The following SYNE2 variants were observed in gnomAD, a reference collection of about 807,000 sequenced individuals.
SYNE2 encodes spectrin repeat containing nuclear envelope protein 2, also known as nesprin-2.
In SYNE2, 431 loss-of-function variants were observed where a neutral mutation model predicts 856.3. That is an observed-to-expected ratio of 0.50 (90% CI 0.47 to 0.55). SYNE2 has a LOEUF of 0.55. SYNE2 is among the 20% of genes least tolerant of loss of function. The pLI, the probability that SYNE2 is intolerant of heterozygous loss-of-function variation, is 0.00. For synonymous variants in SYNE2, 2,923 were observed against 2,872.3 expected (o/e 1.02, Z -0.56); for missense variants, 8,129 against 8,023.2 (o/e 1.01, Z -0.50).
At chr14:63,768,256 T>C (rs1886763436) in intron 1 of SYNE2, among the ~76,000 whole-genome samples, 1 of 151,412 alleles carries the variant, frequency 6.6e-6, no homozygotes, top group Non-Finnish European at 1.5e-5. Flanking sequence ...AGAATTTGAG[T>C]TGACTTGAAG....
At chr14:64,213,142 C>G in intron 105 of SYNE2, 137 bp downstream of exon 105, 2 of 876,738 alleles carry the variant, frequency 2.3e-6, no homozygotes, top group East Asian at 2.6e-5. Context: ...AGGGCTATAT[C>G]AAAACATTTT....
chr14:64,136,568 T>C (rs1389908923), intron 78 of SYNE2, among the ~76,000 whole-genome samples: 4 of 152,198 alleles, frequency 2.6e-5, no homozygotes, highest in Admixed American at 2.0e-4. Context: ...TAAACAGGTG[T>C]CAGGATAAAT....
rs1334699707 is a variant in SYNE2, at chr14:63,977,897, C to G, written c.1294-8C>G. ...GTATCGTTTATGTCATGCTGAATTT[C>G]TTTTCAGAGCCTGATGGATAGATTT... On this transcript the variant is annotated splice_region_variant and splice_polypyrimidine_tract_variant and intron_variant, in intron 12 of 115. Transcript: ENST00000555002. 6.3e-7 allele frequency: 1 copy of G among 1,594,182 alleles called. No homozygotes were observed. Among genetic ancestry groups the G allele is most frequent in the East Asian group, 2.2e-5 (1 of 44,748 alleles).
intron 18 of SYNE2, 60 bp downstream of exon 18, chr14:63,983,946 T>TA (rs1452421146): frequency 3.4e-5 from 44 of 1,308,444 alleles, no homozygotes; most frequent in South Asian, 6.6e-5. Flanking sequence ...ACTTTGCTAT[T>TA]AAAAAAAAGA....
chr14:63,866,208 A>G (rs1895277763), intron 1 of SYNE2, among the ~76,000 whole-genome samples: 1 of 152,114 alleles, frequency 6.6e-6, no homozygotes, highest in Admixed American at 6.6e-5. Flanking sequence ...ATTCCACAAC[A>G]TTTTCCTGAG....
chr14:64,170,266 G>T lies in SYNE2; in HGVS notation c.17039G>T (p.Arg5680Leu). ...FITEFSKLTDRWQNAVQGVRQ... is the reference protein window; with the variant it reads ...FITEFSKLTDLWQNAVQGVRQ... Reference sequence around the variant, plus strand: ...ACAGAATTCTCAAAGCTGACGGATCGGTGGCAGAATGCTGTCCAGGGTGTT... The same window carrying T: ...ACAGAATTCTCAAAGCTGACGGATCTGTGGCAGAATGCTGTCCAGGGTGTT... Residue 5680 changes from arginine (R) to leucine (L), a missense_variant, in exon 94 of 116, where the codon CGG becomes CTG. Arg to Leu is a moderately radical substitution (Grantham distance 102, BLOSUM62 -2). This residue lies in a region of SYNE2 where 5,410 missense variants were observed against 5,284.8 expected (regional missense o/e 1.02). Coordinates refer to ENST00000555002, the MANE Select transcript of SYNE2 (RefSeq NM_182914.3). The T allele has an allele frequency of 6.2e-7, 1 of 1,614,054 alleles. No individual in the cohort carries two copies. The highest frequency in any genetic ancestry group is 8.5e-7 in the Non-Finnish European group (1 of 1,180,024).
chr14:64,143,124 C>T (rs1247983742), intron 82 of SYNE2, among the ~76,000 whole-genome samples: 4 of 152,208 alleles, frequency 2.6e-5, no homozygotes, highest in Non-Finnish European at 4.4e-5. Context: ...CTCACAGGCT[C>T]TAGCAACCTA....
intron 1 of SYNE2, among the ~76,000 whole-genome samples, chr14:63,773,231 A>T (rs2139712021): frequency 6.6e-6 from 1 of 152,014 alleles, no homozygotes; most frequent in Admixed American, 6.6e-5. Flanking sequence ...ACAGGGTCTC[A>T]CTCTGTCACC....
chr14:63,886,724 A>G (rs1595439603), intron 1 of SYNE2, among the ~76,000 whole-genome samples: 1 of 152,244 alleles, frequency 6.6e-6, no homozygotes, highest in East Asian at 1.9e-4. Flanking sequence ...TGGTGGTCAA[A>G]TCTCGGCTCT....
At chr14:63,984,192 C>T (rs151215991) in intron 18 of SYNE2, among the ~76,000 whole-genome samples, 1 of 152,128 alleles carries the variant, frequency 6.6e-6, no homozygotes, top group East Asian at 1.9e-4. Context: ...GAAAGTGAGG[C>T]GAGATCGTGC....
chr14:63,819,548 T>A (rs1374144723), intron 1 of SYNE2, among the ~76,000 whole-genome samples: 4 of 151,518 alleles, frequency 2.6e-5, no homozygotes, highest in Non-Finnish European at 5.9e-5. Context: ...TTTCTTTTTT[T>A]TTTTTTGAGA....
rs1413900300 is a variant in SYNE2 at position 64,021,421 on chromosome 14, A to G, written c.5258A>G (p.Asp1753Gly). ...GGCAGCACTGCTGAGCTAAGGGAGG[A>G]TCTCGACCAAGCCAAGACCCAGATC... ...LSGSTAELRE[D>G]LDQAKTQIGM... Residue 1753 changes from aspartate to glycine, a missense_variant, in exon 36 of 116, where the codon GAT becomes GGT. By Grantham distance (94) the Asp-to-Gly change is moderately conservative. Transcript: ENST00000555002. 1 of 1,614,046 alleles carries G rather than the reference A, an allele frequency of 6.2e-7. No individual in the cohort carries two copies. Among genetic ancestry groups the G allele is most frequent in the Non-Finnish European group, 8.5e-7 (1 of 1,180,040 alleles).
At chr14:64,026,543 C>T (rs1359823631) in intron 41 of SYNE2, 36 bp from the exon 42 acceptor site, 1 of 1,554,656 alleles carries the variant, frequency 6.4e-7, no homozygotes, top group Non-Finnish European at 8.8e-7. Context: ...CTAAGTAATG[C>T]AAATGACATT....
chr14:63,864,956 A>C (rs569978544), intron 1 of SYNE2, among the ~76,000 whole-genome samples: 1 of 151,810 alleles, frequency 6.6e-6, no homozygotes, highest in South Asian at 2.1e-4. Flanking sequence ...GTAGTGGTTA[A>C]AAGCTTGGGT....
At chr14:64,179,823 TGA>T (rs1359269937) in intron 96 of SYNE2, among the ~76,000 whole-genome samples, 1 of 152,220 alleles carries the variant, frequency 6.6e-6, no homozygotes, top group Non-Finnish European at 1.5e-5. Flanking sequence ...TTTTCCCATC[TGA>T]GAGCCTGTTT....
At chr14:63,793,752 C>A (rs1887818936) in intron 1 of SYNE2, among the ~76,000 whole-genome samples, 1 of 139,308 alleles carries the variant, frequency 7.2e-6, no homozygotes, top group African/African-American at 2.8e-5. Flanking sequence ...GCCTGGGCAA[C>A]AAAATGAGGC....
chr14:63,822,019 C>T (rs993961011), intron 1 of SYNE2, among the ~76,000 whole-genome samples: 24 of 152,002 alleles, frequency 1.6e-4, no homozygotes, highest in South Asian at 4.1e-4. Context: ...GGCGAAACCC[C>T]GTCTCTACTA....
Position 63,950,531 on chromosome 14 carries a change from G to A in SYNE2, c.590+525G>A, listed in dbSNP as rs145099205. ...GATCAAGCTATTTCACTCCAGCCTG[G>A]GCAACAAGAGCGAAACTCTTGTCAC... is the stretch of plus-strand genomic sequence containing the variant. On this transcript the variant is annotated intron_variant, in intron 7 of 115. Transcript: ENST00000555002. Among the ~76,000 whole-genome samples the A allele has an allele frequency of 4.2e-4, 64 of 152,134 alleles. 1 individual carries two copies. In the East Asian group the frequency reaches 0.012, roughly 29 times the overall value.
chr14:64,081,999 TG>T (rs1417591746), intron 57 of SYNE2, among the ~76,000 whole-genome samples: 2 of 151,562 alleles, frequency 1.3e-5, no homozygotes, highest in Non-Finnish European at 2.9e-5. Flanking sequence ...GGCAGGAGAA[TG>T]GCGTGAACCC....
Sources: allele counts gnomAD v4.1 joint callset (sites outside exome capture counted in the v4.1 genomes callset), GRCh38; gene constraint gnomAD v4.1.1; regional missense constraint gnomAD v4.1.1; transcripts MANE v1.5; gene names NCBI Gene and HGNC (gene_info 2026-07-23, HGNC 2026-07-21).